ZNRF1: variants seen among roughly 807,000 people sequenced by gnomAD.
The protein encoded by ZNRF1 is zinc and ring finger 1.
Under a neutral mutation model 18.4 loss-of-function variants are expected in ZNRF1, and 3 were observed. The observed-to-expected ratio is 0.16, with a 90% confidence interval of 0.07 to 0.42. ZNRF1 has a LOEUF of 0.42. Ranked by LOEUF, ZNRF1 falls within the 10% of genes least tolerant of loss-of-function variation. The pLI is 0.99. For synonymous variants in ZNRF1, 157 were observed against 144.2 expected (o/e 1.09, Z -0.64); for missense variants, 310 against 329.8 (o/e 0.94, Z 0.47).
At chr16:75,002,732 T>C (rs1159961499) in intron 1 of ZNRF1, among the ~76,000 whole-genome samples, 2 of 152,226 alleles carry the variant, frequency 1.3e-5, no homozygotes, top group African/African-American at 4.8e-5. Flanking sequence ...GCTCCAGCCT[T>C]GCTCCGCAAA....
At chr16:75,096,923 C>A (rs2036206744) in intron 2 of ZNRF1, among the ~76,000 whole-genome samples, 1 of 152,098 alleles carries the variant, frequency 6.6e-6, no homozygotes, top group South Asian at 2.1e-4. Flanking sequence ...CGAGGACAGG[C>A]ACCTGGCTGG....
intron 1 of ZNRF1, among the ~76,000 whole-genome samples, chr16:75,027,428 G>C (rs1036748199): frequency 6.6e-6 from 1 of 152,126 alleles, no homozygotes; most frequent in Admixed American, 6.5e-5. Flanking sequence ...TTGTAAAATG[G>C]TGGAGTAGAT....
intron 1 of ZNRF1, among the ~76,000 whole-genome samples, chr16:75,056,448 A>G (rs2035669244): frequency 6.6e-6 from 1 of 152,190 alleles, no homozygotes; most frequent in Non-Finnish European, 1.5e-5. Context: ...TGTTGATGTT[A>G]TGTGTGAGGT....
At chr16:75,061,808 G>A (rs1338613116) in intron 1 of ZNRF1, among the ~76,000 whole-genome samples, 1 of 152,170 alleles carries the variant, frequency 6.6e-6, no homozygotes, top group African/African-American at 2.4e-5. Context: ...GAGTCGTCTT[G>A]TCAGCAGCTT....
intron 1 of ZNRF1, among the ~76,000 whole-genome samples, chr16:75,026,163 C>G (rs759466328): frequency 4.6e-5 from 7 of 152,138 alleles, no homozygotes; most frequent in Non-Finnish European, 8.8e-5. Context: ...TGACCAATAA[C>G]TAAGCATCTT....
At chr16:75,105,257 G>A (rs1160576436) in intron 3 of ZNRF1, 2 of 246,806 alleles carry the variant, frequency 8.1e-6, no homozygotes, top group Non-Finnish European at 1.6e-5. Context: ...CTCCACAGGG[G>A]TAGAACATCA....
In ZNRF1 at chr16:75,038,680, C is replaced by G. The variant is rs540363072; in HGVS notation, c.424+38585C>G. On this transcript the variant is annotated intron_variant, in intron 1 of 4. Coordinates refer to ENST00000335325, the MANE Select transcript of ZNRF1 (RefSeq NM_032268.5). ...CACTGTAAGCCAGTTAAATAAGAATCTCTGAAGAAACAGTAAGATGCTCTC... is the reference window on the plus strand; with the variant it reads ...CACTGTAAGCCAGTTAAATAAGAATGTCTGAAGAAACAGTAAGATGCTCTC... 5.6e-4 allele frequency among the ~76,000 whole-genome samples: 86 copies of G among 152,312 alleles called. 1 individual carries two copies. In the Middle Eastern group the frequency reaches 0.01, roughly 18 times the overall value.
Position 75,000,074 on chromosome 16 carries a change from A to C in ZNRF1, c.403A>C (p.Arg135=), listed in dbSNP as rs1373927290. The C allele has an allele frequency of 6.2e-7, 1 of 1,602,008 alleles. No individual in the cohort carries two copies. The highest frequency in any genetic ancestry group is 1.7e-5 in the Admixed American group (1 of 57,690). ...TGCTCTACCTCTGCACATCGCACCCAGGTGGTTCAGCTCGCATAGTGGTGA... is the reference window on the plus strand; with the variant it reads ...TGCTCTACCTCTGCACATCGCACCCCGGTGGTTCAGCTCGCATAGTGGTGA... ...ADALPLHIAP[R]WFSSHSGFKC... Residue 135 remains arginine, a synonymous_variant, in exon 1 of 5, where the codon AGG becomes CGG. Transcript: ENST00000335325.
At chr16:75,065,173 G>A (rs776901626) in intron 1 of ZNRF1, among the ~76,000 whole-genome samples, 5 of 152,238 alleles carry the variant, frequency 3.3e-5, no homozygotes, top group African/African-American at 7.2e-5. Context: ...AGCCAGAGCT[G>A]AAGACGAGGA....
At chr16:75,020,489 G>A (rs2035129529) in intron 1 of ZNRF1, among the ~76,000 whole-genome samples, 1 of 151,800 alleles carries the variant, frequency 6.6e-6, no homozygotes, top group African/African-American at 2.4e-5. Context: ...CTTACTTTGT[G>A]CTATTGACCA....
In ZNRF1 at chr16:75,104,483, C is replaced by G. The variant is rs1321399953; in HGVS notation, c.521-301C>G. On this transcript the variant is annotated intron_variant, in intron 2 of 4. Coordinates refer to ENST00000335325, the MANE Select transcript of ZNRF1 (RefSeq NM_032268.5). The stretch of plus-strand genomic sequence containing the variant: ...AGGGAAACAGCTTGCCTCATGCTGC[C>G]CCTGCTTCCTGTCTACCCTTCTCCA... 1.6e-5 allele frequency: 4 copies of G among 249,014 alleles called. No homozygotes were observed. In the Admixed American group the frequency reaches 2.1e-4, roughly 13 times the overall value. The allele number at this position is 249,014 out of a possible 1,614,324, so 15.4% of individuals were successfully genotyped here.
At chr16:75,012,378 T>A (rs1192520580) in intron 1 of ZNRF1, among the ~76,000 whole-genome samples, 1 of 152,240 alleles carries the variant, frequency 6.6e-6, no homozygotes, top group African/African-American at 2.4e-5. Context: ...AGGATGGCTG[T>A]GGACCTAATG....
intron 1 of ZNRF1, among the ~76,000 whole-genome samples, chr16:75,030,627 T>C (rs1305764216): frequency 1.3e-5 from 2 of 152,042 alleles, no homozygotes; most frequent in Non-Finnish European, 2.9e-5. Flanking sequence ...AGAAACCCCA[T>C]AACCATTAGC....
intron 1 of ZNRF1, among the ~76,000 whole-genome samples, chr16:75,064,073 C>T (rs1356493453): frequency 6.6e-6 from 1 of 151,850 alleles, no homozygotes; most frequent in African/African-American, 2.4e-5. Flanking sequence ...CTGAGGCAGG[C>T]GGATCACTTG....
In ZNRF1 at chr16:75,023,833, C is replaced by T. The variant is rs565375534; in HGVS notation, c.424+23738C>T. On this transcript the variant is annotated intron_variant, in intron 1 of 4. Coordinates refer to ENST00000335325, the MANE Select transcript of ZNRF1 (RefSeq NM_032268.5). ...ATTTACCTCACTGTTTATTATGGAG[C>T]CCTACAGGGGCTCAGAATCCTTTTC... 5.9e-5 allele frequency among the ~76,000 whole-genome samples: 9 copies of T among 152,048 alleles called. 1 individual carries two copies. Among genetic ancestry groups the T allele is most frequent in the African/African-American group, 2.2e-4 (9 of 41,486 alleles).
At chr16:75,006,181 T>C (rs1346513403) in intron 1 of ZNRF1, among the ~76,000 whole-genome samples, 1 of 152,148 alleles carries the variant, frequency 6.6e-6, no homozygotes, top group Non-Finnish European at 1.5e-5. Context: ...CACGGGTAAC[T>C]GAAACTATGG....
At chr16:75,046,021 G>A (rs548319456) in intron 1 of ZNRF1, among the ~76,000 whole-genome samples, 320 of 151,888 alleles carry the variant, frequency 2.1e-3, no homozygotes, top group Middle Eastern at 3.4e-3. Context: ...TCCTGCCTCA[G>A]CCTCCCAAGT....
intron 1 of ZNRF1, among the ~76,000 whole-genome samples, chr16:75,055,865 G>A (rs2035660954): frequency 6.6e-6 from 1 of 152,156 alleles, no homozygotes; most frequent in Non-Finnish European, 1.5e-5. Context: ...CTCCAACTGG[G>A]CACATCCTTG....
At chr16:75,007,816 C>T (rs529505400) in intron 1 of ZNRF1, among the ~76,000 whole-genome samples, 1 of 152,160 alleles carries the variant, frequency 6.6e-6, no homozygotes, top group South Asian at 2.1e-4. Flanking sequence ...GAGAAATAAA[C>T]TTTGAATCCT....
Sources: allele counts gnomAD v4.1 joint callset (sites outside exome capture counted in the v4.1 genomes callset), GRCh38; gene constraint gnomAD v4.1.1; transcripts MANE v1.5; gene names NCBI Gene and HGNC (gene_info 2026-07-23, HGNC 2026-07-21).